GDPD5: variants seen among roughly 807,000 people sequenced by gnomAD.
The protein encoded by GDPD5 is glycerophosphodiester phosphodiesterase domain containing 5.
Under a neutral mutation model 75.1 loss-of-function variants are expected in GDPD5, and 48 were observed. The ratio of observed to expected loss-of-function variants is 0.64; its 90% CI spans 0.51 to 0.81. The LOEUF (loss-of-function observed/expected upper bound fraction) is 0.81, where lower values mean the gene tolerates loss of function less well. Ranked by LOEUF, GDPD5 falls within the 40% of genes least tolerant of loss-of-function variation. GDPD5 has a pLI of 0.00. For synonymous variants in GDPD5, 336 were observed against 339.0 expected, an observed-to-expected ratio of 0.99 and a Z score of 0.10; for missense variants, 706 against 822.6, an observed-to-expected ratio of 0.86 and a Z score of 1.73.
chr11:75,487,359 C>G (rs1950037775), intron 2 of GDPD5, among the ~76,000 whole-genome samples: 2 of 152,192 alleles, frequency 1.3e-5, no homozygotes, highest in South Asian at 4.1e-4. Context: ...GGAAGGAATT[C>G]TAAGTCACAG....
intron 1 of GDPD5, among the ~76,000 whole-genome samples, chr11:75,498,577 T>TA: frequency 6.6e-6 from 1 of 152,196 alleles, no homozygotes; most frequent in Non-Finnish European, 1.5e-5. Flanking sequence ...CCAGGGCCTC[T>TA]AGGGCTGGGA....
intron 2 of GDPD5, among the ~76,000 whole-genome samples, chr11:75,481,745 C>A (rs1949924350): frequency 6.6e-6 from 1 of 152,064 alleles, no homozygotes. Flanking sequence ...ACAGGGTTCT[C>A]TACTGTCATG....
chr11:75,468,679 G>A lies in GDPD5; in HGVS notation c.118-5790C>T, dbSNP rs552575104. 8.3e-5 allele frequency among the ~76,000 whole-genome samples: 12 copies of A among 144,530 alleles called. No homozygotes were observed. In the South Asian group the frequency reaches 1.4e-3, roughly 16 times the overall value. The allele number at this position is 144,530 out of a possible 152,430, so 94.8% of individuals were successfully genotyped here. A position where few individuals can be genotyped will look rare whatever the true frequency, so the allele number is the denominator to read the frequency against. On this transcript the variant is annotated intron_variant, in intron 3 of 16. Transcript: ENST00000336898. ...AGGGGAGTTACTGCCCTCCCCCGAC[G>A]CCCCCCCCCCGGGAGGTGGAGCTGA... is the stretch of plus-strand genomic sequence containing the variant.
chr11:75,476,362 G>C (rs76734082), intron 3 of GDPD5, among the ~76,000 whole-genome samples: 2,399 of 151,582 alleles, frequency 0.016, 59 homozygotes, highest in African/African-American at 0.053. Context: ...GCGGCAACTT[G>C]AGAGGGGTGT....
At chr11:75,497,727 T>C (rs570173524) in intron 1 of GDPD5, among the ~76,000 whole-genome samples, 91 of 152,322 alleles carry the variant, frequency 6.0e-4, no homozygotes, top group Non-Finnish European at 1.1e-3. Flanking sequence ...CCTGGCTCAG[T>C]TCATCCTGAC....
chr11:75,457,046 G>C (rs1346618869), intron 5 of GDPD5, among the ~76,000 whole-genome samples: 1 of 152,230 alleles, frequency 6.6e-6, no homozygotes, highest in African/African-American at 2.4e-5. Flanking sequence ...CTTCCTCTGT[G>C]TGATTCCCCG....
chr11:75,449,168 G>A (rs473462), intron 8 of GDPD5, 46 bp from the exon 9 acceptor site: 947,112 of 1,534,220 alleles, frequency 0.62, 297,551 homozygotes, highest in East Asian at 0.79. Context: ...CCCTGGGCAG[G>A]TTGGGGTGCA....
chr11:75,462,173 G>T (rs17133983), intron 4 of GDPD5, among the ~76,000 whole-genome samples: 3,311 of 152,284 alleles, frequency 0.022, 130 homozygotes, highest in African/African-American at 0.075. Flanking sequence ...TATACAAAGG[G>T]GGTAACCAAA....
chr11:75,514,741 A>G (rs1950601336), intron 1 of GDPD5, among the ~76,000 whole-genome samples: 1 of 152,234 alleles, frequency 6.6e-6, no homozygotes, highest in African/African-American at 2.4e-5. Context: ...CAAGAGGAAG[A>G]AGGCTCCAAT....
At chr11:75,465,252 G>A (rs770768134) in intron 3 of GDPD5, among the ~76,000 whole-genome samples, 8 of 152,166 alleles carry the variant, frequency 5.3e-5, no homozygotes, top group Non-Finnish European at 7.3e-5. Context: ...AATTACATAC[G>A]GTTCCCCAAA....
chr11:75,444,338 C>A, intron 10 of GDPD5, 75 bp downstream of exon 10: 2 of 1,096,142 alleles, frequency 1.8e-6, no homozygotes, highest in East Asian at 2.4e-5. Flanking sequence ...CCAGAGGTTC[C>A]CCCAGCAGAG....
At chr11:75,501,813 C>T (rs1210730169) in intron 1 of GDPD5, among the ~76,000 whole-genome samples, 1 of 152,154 alleles carries the variant, frequency 6.6e-6, no homozygotes, top group African/African-American at 2.4e-5. Flanking sequence ...TACACTTCCA[C>T]CCTCCCCTAC....
rs926820034 is a variant in GDPD5 at position 75,451,735 on chromosome 11, A to G, written c.376-1752T>C. ...GGAGCATCTCATCACAATACCTATT[A>G]ATGGAAACGACTTGCAATAAAACTG... is the stretch of plus-strand genomic sequence containing the variant. On this transcript the variant is annotated intron_variant, in intron 6 of 16. Transcript: ENST00000336898. 2.6e-5 allele frequency: 4 copies of G among 152,370 alleles called. No individual in the cohort carries two copies. The East Asian group carries it at 7.7e-4, about 29-fold the overall frequency. 9.4% of individuals were successfully genotyped at this position (152,370 alleles called of 1,614,324 possible).
At chr11:75,484,258 C>T (rs903177636) in intron 2 of GDPD5, among the ~76,000 whole-genome samples, 3 of 152,232 alleles carry the variant, frequency 2.0e-5, no homozygotes, top group East Asian at 1.9e-4. Context: ...AACTTTATCT[C>T]GATAAAACTT....
In GDPD5 at chr11:75,477,757, GCC is replaced by G; in HGVS notation, c.-24_-23del. Reference sequence around the variant, plus strand: ...CCATACTCGTGCCCACGGCCCTGGCGCCTGGCCCTCAGGCGCCCATGGAGGCC... The same window carrying G: ...CCATACTCGTGCCCACGGCCCTGGCGTGGCCCTCAGGCGCCCATGGAGGCC... On this transcript the variant is annotated 5_prime_UTR_variant, in exon 3 of 17. Transcript: ENST00000336898. The G allele has an allele frequency of 1.3e-6, 2 of 1,518,380 alleles. No homozygotes were observed. Among genetic ancestry groups the G allele is most frequent in the Non-Finnish European group, 1.8e-6 (2 of 1,119,614 alleles). The allele number at this position is 1,518,380 out of a possible 1,614,324, so 94.1% of individuals were successfully genotyped here. A position where few individuals can be genotyped will look rare whatever the true frequency, so the allele number is the denominator to read the frequency against.
chr11:75,439,739 A>C (rs1452487088), intron 15 of GDPD5, 140 bp downstream of exon 15: 1 of 702,546 alleles, frequency 1.4e-6, no homozygotes, highest in African/African-American at 1.8e-5. Flanking sequence ...GGATGGGGCC[A>C]CCGGAGTCCG....
chr11:75,457,510 T>C (rs1027148292), intron 5 of GDPD5, among the ~76,000 whole-genome samples, 183 bp downstream of exon 5: 3 of 152,250 alleles, frequency 2.0e-5, no homozygotes, highest in Non-Finnish European at 4.4e-5. Flanking sequence ...AAAATGAAAA[T>C]GTTATACATA....
intron 3 of GDPD5, among the ~76,000 whole-genome samples, chr11:75,465,731 CT>C (rs1166555640): frequency 3.5e-4 from 53 of 152,244 alleles, no homozygotes; most frequent in Non-Finnish European, 1.3e-4. Context: ...ACAGAGACCA[CT>C]TTGCCTCCTC....
intron 2 of GDPD5, among the ~76,000 whole-genome samples, chr11:75,487,736 T>A (rs1195186959): frequency 1.3e-5 from 2 of 152,112 alleles, no homozygotes; most frequent in East Asian, 3.9e-4. Context: ...GGGCCTTGGG[T>A]TCTCTTGGTA....
Sources: allele counts gnomAD v4.1 joint callset (sites outside exome capture counted in the v4.1 genomes callset), GRCh38; gene constraint gnomAD v4.1.1; transcripts MANE v1.5; gene names NCBI Gene and HGNC (gene_info 2026-07-23, HGNC 2026-07-21).